The following SMYD3 variants were observed in gnomAD, a reference collection of about 807,000 sequenced individuals.
The protein encoded by SMYD3 is histone-lysine N-methyltransferase SMYD3.
A neutral mutation model predicts 57.7 loss-of-function variants in SMYD3; 36 were observed. The ratio of observed to expected loss-of-function variants is 0.62; its 90% CI spans 0.48 to 0.82. The LOEUF is 0.82. Among genes scored for constraint, SMYD3 ranks in the 40% least tolerant of loss-of-function variants. The pLI is 0.00. For synonymous variants in SMYD3, 211 were observed against 195.0 expected (o/e 1.08, Z -0.68); for missense variants, 515 against 538.8 (o/e 0.96, Z 0.44).
intron 10 of SMYD3, among the ~76,000 whole-genome samples, chr1:245,815,414 G>A (rs866459046): frequency 2.6e-5 from 4 of 152,206 alleles, no homozygotes; most frequent in Non-Finnish European, 5.9e-5. Flanking sequence ...GTACGCTCTA[G>A]TTTTTCTCAA....
rs539142952 is a variant in SMYD3 at position 246,456,544 on chromosome 1, CCTAA to C, written c.164+50506_164+50509del. On this transcript the variant is annotated intron_variant, in intron 1 of 11. Coordinates refer to ENST00000490107, the MANE Select transcript of SMYD3 (RefSeq NM_001167740.2). ...CAAGCTAAAGCATTTTCTCCTCTGC[CCTAA>C]CTGACCCCAGGAGCATTAGGCAGTC... Among the ~76,000 whole-genome samples, 12 of 152,318 alleles carry C rather than the reference CCTAA, an allele frequency of 7.9e-5. No homozygotes were observed. The South Asian group carries it at 2.5e-3, about 32-fold the overall frequency.
rs189503477 is a variant in SMYD3 at position 245,946,667 on chromosome 1, G to T, written c.532-16730C>A. Reference sequence around the variant, plus strand: ...TACGTACAGGCAGAGTGGGGAGGGGGTTAAGCTAAAGGTCGGGTCTGAAAC... The same window carrying T: ...TACGTACAGGCAGAGTGGGGAGGGGTTTAAGCTAAAGGTCGGGTCTGAAAC... On this transcript the variant is annotated intron_variant, in intron 5 of 11. Coordinates refer to ENST00000490107, the MANE Select transcript of SMYD3 (RefSeq NM_001167740.2). Among the ~76,000 whole-genome samples the T allele has an allele frequency of 7.4e-4, 112 of 152,280 alleles. 1 individual carries two copies. In the Middle Eastern group the frequency reaches 0.014, roughly 18 times the overall value.
At chr1:246,218,754 A>T (rs1246942602) in intron 5 of SMYD3, among the ~76,000 whole-genome samples, 1 of 152,230 alleles carries the variant, frequency 6.6e-6, no homozygotes, top group Non-Finnish European at 1.5e-5. Context: ...TATTTAACAA[A>T]ACAAAAAAGC....
At chr1:246,379,768 G>A (rs1482530412) in intron 1 of SMYD3, among the ~76,000 whole-genome samples, 2 of 152,216 alleles carry the variant, frequency 1.3e-5, no homozygotes, top group Non-Finnish European at 2.9e-5. Flanking sequence ...GGGAGGCCAA[G>A]GCGGATGGAT....
intron 8 of SMYD3, among the ~76,000 whole-genome samples, chr1:245,900,035 C>A (rs1363572498): frequency 6.6e-6 from 1 of 152,158 alleles, no homozygotes; most frequent in Non-Finnish European, 1.5e-5. Flanking sequence ...GACTTCTCAA[C>A]CTCCATAATC....
intron 5 of SMYD3, among the ~76,000 whole-genome samples, chr1:245,948,463 G>A (rs370670394): frequency 6.6e-6 from 1 of 152,092 alleles, no homozygotes; most frequent in Non-Finnish European, 1.5e-5. Context: ...CCTGTGATCC[G>A]AGCCACAGGA....
chr1:246,491,860 AG>A (rs1158036269), intron 1 of SMYD3, among the ~76,000 whole-genome samples: 4 of 152,202 alleles, frequency 2.6e-5, no homozygotes, highest in Non-Finnish European at 5.9e-5. Flanking sequence ...ACCTCAGACA[AG>A]GCCACTCTGT....
At chr1:245,788,592 T>C (rs915400151) in intron 10 of SMYD3, among the ~76,000 whole-genome samples, 3 of 152,202 alleles carry the variant, frequency 2.0e-5, no homozygotes, top group African/African-American at 7.2e-5. Context: ...AAAGTTGCCC[T>C]AGGCCCACTC....
intron 7 of SMYD3, among the ~76,000 whole-genome samples, chr1:245,926,558 A>G (rs2056387822): frequency 6.6e-6 from 1 of 152,136 alleles, no homozygotes; most frequent in Admixed American, 6.5e-5. Flanking sequence ...ATGGAAAGAG[A>G]AAGATGTGAA....
intron 5 of SMYD3, chr1:246,096,472 G>C (rs1355025489): frequency 6.6e-6 from 1 of 152,200 alleles, no homozygotes; most frequent in African/African-American, 2.4e-5. Context: ...ATGCCTCAGC[G>C]CTCAGAAAAT....
At chr1:246,095,310 A>G (rs114444534) in intron 5 of SMYD3, among the ~76,000 whole-genome samples, 2,284 of 152,334 alleles carry the variant, frequency 0.015, 57 homozygotes, top group African/African-American at 0.053. Flanking sequence ...TAGCTACTCA[A>G]TCATTAATTT....
chr1:245,879,459 C>T (rs929403154), intron 8 of SMYD3, among the ~76,000 whole-genome samples: 3 of 152,122 alleles, frequency 2.0e-5, no homozygotes, highest in East Asian at 1.9e-4. Flanking sequence ...GCTGAGTAAC[C>T]GAGGTGATGA....
At chr1:246,394,647 T>A (rs114053412) in intron 1 of SMYD3, among the ~76,000 whole-genome samples, 3,290 of 152,318 alleles carry the variant, frequency 0.022, 48 homozygotes, top group Middle Eastern at 0.12. Context: ...CTCCCAAACT[T>A]AGCTATGCTT....
At chr1:246,394,221 A>G (rs975613005) in intron 1 of SMYD3, among the ~76,000 whole-genome samples, 2 of 152,268 alleles carry the variant, frequency 1.3e-5, no homozygotes, top group African/African-American at 4.8e-5. Flanking sequence ...TGTAGTATGT[A>G]TAACTGACAA....
At chr1:246,413,534 C>T (rs2102988832) in intron 1 of SMYD3, among the ~76,000 whole-genome samples, 1 of 152,228 alleles carries the variant, frequency 6.6e-6, no homozygotes, top group South Asian at 2.1e-4. Flanking sequence ...GAATTGTAAT[C>T]CCCAGGGTTG....
intron 10 of SMYD3, among the ~76,000 whole-genome samples, chr1:245,776,473 T>C (rs948272387): frequency 4.6e-5 from 7 of 152,256 alleles, no homozygotes; most frequent in Non-Finnish European, 8.8e-5. Flanking sequence ...AGATGAAATA[T>C]AGTTTGGCAT....
intron 5 of SMYD3, among the ~76,000 whole-genome samples, chr1:246,053,526 T>C (rs2060096633): frequency 6.6e-6 from 1 of 152,036 alleles, no homozygotes; most frequent in South Asian, 2.1e-4. Context: ...GCAATTGATC[T>C]CCAACAAAGA....
chr1:245,973,413 T>G (rs1262751142), intron 5 of SMYD3, among the ~76,000 whole-genome samples: 1 of 152,198 alleles, frequency 6.6e-6, no homozygotes, highest in Non-Finnish European at 1.5e-5. Flanking sequence ...CACCAAATAT[T>G]TGTGAAACCA....
intron 5 of SMYD3, among the ~76,000 whole-genome samples, chr1:246,125,148 C>G (rs769826713): frequency 6.6e-6 from 1 of 151,530 alleles, no homozygotes; most frequent in Non-Finnish European, 1.5e-5. Flanking sequence ...TCAATGATTA[C>G]GGAACTTTAC....
Sources: allele counts gnomAD v4.1 joint callset (sites outside exome capture counted in the v4.1 genomes callset), GRCh38; gene constraint gnomAD v4.1.1; transcripts MANE v1.5; gene names NCBI Gene and HGNC (gene_info 2026-07-23, HGNC 2026-07-21).